The following SLC23A1 variants were observed in gnomAD, a reference collection of about 807,000 sequenced individuals.
The protein encoded by SLC23A1 is Na(+)/L-ascorbic acid transporter 1.
In SLC23A1, 31 loss-of-function variants were observed where a neutral mutation model predicts 62.5. That is an observed-to-expected ratio of 0.50 (90% CI 0.37 to 0.67). SLC23A1 has a LOEUF of 0.67. Among genes scored for constraint, SLC23A1 ranks in the 30% least tolerant of loss-of-function variants. SLC23A1 has a pLI of 0.00. For missense variants in SLC23A1, 640 were observed against 782.7 expected (o/e 0.82, Z 2.18); for synonymous variants, 271 against 313.2 (o/e 0.87, Z 1.42).
At chr5:139,383,961 C>T (rs1758409608), upstream of SLC23A1, among the ~76,000 whole-genome samples, 1 of 152,374 alleles carries the variant, frequency 6.6e-6, no homozygotes, top group African/African-American at 2.4e-5. Context: ...TAGGCTGGCC[C>T]AGCCGGGTCT....
intron 3 of SLC23A1, among the ~76,000 whole-genome samples, chr5:139,381,548 G>C (rs1456326500): frequency 6.6e-6 from 1 of 150,622 alleles, no homozygotes; most frequent in African/African-American, 2.5e-5. Context: ...GGGAGGTGGT[G>C]GTTGTGGTGA....
At chr5:139,381,203 G>A (rs1021443085) in intron 3 of SLC23A1, among the ~76,000 whole-genome samples, 3 of 152,218 alleles carry the variant, frequency 2.0e-5, no homozygotes, top group African/African-American at 7.2e-5. Flanking sequence ...ATCTTCCCCT[G>A]TCCCCCGCTG....
In SLC23A1 at chr5:139,380,575, C is replaced by T. The variant is rs201746992; in HGVS notation, c.455G>A (p.Arg152Gln). 3.1e-6 allele frequency: 5 copies of T among 1,613,920 alleles called. No individual in the cohort carries two copies. Among genetic ancestry groups the T allele is most frequent in the East Asian group, 2.2e-5 (1 of 44,880 alleles). ...PLNTSHIWHPRIREVQGAIMV... is the reference protein window; with the variant it reads ...PLNTSHIWHPQIREVQGAIMV... ...TACATGCAAACCCACCTCCCGTATC[C>T]GTGGGTGCCAAATATGAGAGGTGTT... is the stretch of plus-strand genomic sequence containing the variant. Residue 152 changes from arginine to glutamine, a missense_variant, in exon 5 of 15, where the codon CGG becomes CAG. By Grantham distance (43) the Arg-to-Gln change is conservative. Coordinates refer to ENST00000348729, the MANE Select transcript of SLC23A1 (RefSeq NM_005847.5).
Position 139,378,296 on chromosome 5 carries a change from G to A in SLC23A1, c.1235C>T (p.Thr412Ile). The change falls in exon 11 of 15, where the codon ACC becomes ATC. Residue 412 changes from threonine to isoleucine, a missense_variant. Coordinates refer to ENST00000348729, the MANE Select transcript of SLC23A1 (RefSeq NM_005847.5). This position sits in a 1 kb window ranked among gnomAD's most constrained non-coding sequence, Gnocchi z 4.5. ...YGAAIMLVLG[T>I]IGKFTALFAS... ...GAAGAGGGCCGTGAACTTGCCGATG[G>A]TGCCCAGGACCAGCATGATAGCCGC... The A allele has an allele frequency of 1.3e-6, 2 of 1,596,152 alleles. No individual in the cohort carries two copies. The highest frequency in any genetic ancestry group is 1.7e-6 in the Non-Finnish European group (2 of 1,172,000).
rs747473577 is a variant in SLC23A1, at chr5:139,380,404, A to G, written c.466-15T>C. 7 of 1,613,290 alleles carry G rather than the reference A, an allele frequency of 4.3e-6. No individual in the cohort carries two copies. In the Admixed American group the frequency reaches 1.0e-4, roughly 23 times the overall value. ...GCACCCTGGACCTGGAAGGGCAAAC[A>G]TCAGCCGTAAGTCACCATGTAAAGG... On this transcript the variant is annotated splice_polypyrimidine_tract_variant and intron_variant, in intron 5 of 14. Coordinates refer to ENST00000348729, the MANE Select transcript of SLC23A1 (RefSeq NM_005847.5).
intron 2 of SLC23A1, 164 bp downstream of exon 2, chr5:139,382,325 ATCT>A: frequency 1.7e-6 from 1 of 602,722 alleles, no homozygotes; most frequent in Non-Finnish European, 3.0e-6. Context: ...CAGGGAGTTC[ATCT>A]TCTTTCAGGA....
chr5:139,383,283 A>G lies in SLC23A1; in HGVS notation c.-30T>C. ...GGGGCACAGGTTTGAGCAGTTCCTG[A>G]GGAGAAGAGGGGATGACTTGACAAA... is the stretch of plus-strand genomic sequence containing the variant. On this transcript the variant is annotated 5_prime_UTR_variant, in exon 1 of 15. Coordinates refer to ENST00000348729, the MANE Select transcript of SLC23A1 (RefSeq NM_005847.5). The G allele has an allele frequency of 1.9e-6, 3 of 1,600,988 alleles. No homozygotes were observed. Among genetic ancestry groups the G allele is most frequent in the Non-Finnish European group, 2.6e-6 (3 of 1,173,350 alleles).
chr5:139,368,903 T>G lies in SLC23A1; in HGVS notation c.*20-1272A>C, dbSNP rs995671401. 2.8e-5 allele frequency: 23 copies of G among 813,348 alleles called. No individual in the cohort carries two copies. In the South Asian group the frequency reaches 3.6e-4, roughly 13 times the overall value. The allele number at this position is 813,348 out of a possible 1,614,324, so 50.4% of individuals were successfully genotyped here. On this transcript the variant is annotated intron_variant, in intron 14 of 14. Transcript: ENST00000348729. Reference sequence around the variant, plus strand: ...CTCTCTTGTCACTGTGTTACACTTATGCATTGCCAAAGTTTTTGTTAGTCT... The same window carrying G: ...CTCTCTTGTCACTGTGTTACACTTAGGCATTGCCAAAGTTTTTGTTAGTCT...
intron 13 of SLC23A1, among the ~76,000 whole-genome samples, chr5:139,376,897 G>GT (rs1332715774): frequency 6.6e-6 from 1 of 152,156 alleles, no homozygotes; most frequent in East Asian, 1.9e-4. Context: ...TGAGGCGAGC[G>GT]TATCACTTGA....
intron 14 of SLC23A1, among the ~76,000 whole-genome samples, chr5:139,368,036 T>TA (rs1165486738): frequency 6.6e-6 from 1 of 151,908 alleles, no homozygotes; most frequent in Non-Finnish European, 1.5e-5. Flanking sequence ...CCTTCTCTAC[T>TA]AAAAATACGA....
chr5:139,380,315 G>A lies in SLC23A1; in HGVS notation c.540C>T (p.Leu180=). ...IGLLGLPGAL[L]NYIGPLTVTP... ...TGACTGTGAGAGGCCCAATGTAGTT[G>A]AGCAGGGCCCCAGGCAGCCCCAGCA... The change falls in exon 6 of 15, where the codon CTC becomes CTT. Residue 180 remains leucine, a synonymous_variant. Coordinates refer to ENST00000348729, the MANE Select transcript of SLC23A1 (RefSeq NM_005847.5). 7 of 1,608,116 alleles carry A rather than the reference G, an allele frequency of 4.4e-6. No individual in the cohort carries two copies. Among genetic ancestry groups the A allele is most frequent in the East Asian group, 2.2e-5 (1 of 44,632 alleles).
At position 139,379,232 on chromosome 5, in the gene SLC23A1, G is replaced by A. The variant is rs771587041; in HGVS notation, c.1048C>T (p.Pro350Ser). 2 of 1,614,212 alleles carry A rather than the reference G, an allele frequency of 1.2e-6. No homozygotes were observed. The highest frequency in any genetic ancestry group is 1.6e-4 in the Middle Eastern group (1 of 6,062). Residue 350 changes from proline (P) to serine (S), a missense_variant, in exon 9 of 15, where the codon CCC (proline) becomes TCC (serine). Transcript: ENST00000348729. The surrounding 1 kb of genome is among the most constrained non-coding windows in gnomAD (Gnocchi z 4.7). ...YACARLAGAP[P>S]PPVHAINRGI... ...CTGTTGATAGCATGTACTGGAGGGG[G>A]TGGTGCACCAGCCAGGCGGGCACAG...
rs1293179618 is a variant in SLC23A1 at position 139,380,188 on chromosome 5, C to A, written c.647+20G>T. 1 of 1,556,002 alleles carries A rather than the reference C, an allele frequency of 6.4e-7. No homozygotes were observed. The highest frequency in any genetic ancestry group is 2.0e-5 in the Admixed American group (1 of 51,246). On this transcript the variant is annotated intron_variant, in intron 6 of 14. Coordinates refer to ENST00000348729, the MANE Select transcript of SLC23A1 (RefSeq NM_005847.5). ...TAGGGTGCTGGGGCTGGGCAGGGAT[C>A]AGGCCTGGTGCCTGCTCACCAAGCT...
chr5:139,377,750 A>T (rs1247121368), intron 12 of SLC23A1, among the ~76,000 whole-genome samples: 2 of 152,262 alleles, frequency 1.3e-5, no homozygotes, highest in East Asian at 3.8e-4. Context: ...AATGTAGATA[A>T]ATGGAGCTGT....
At chr5:139,384,380 C>T, upstream of SLC23A1, 1 of 1,288,880 alleles carries the variant, frequency 7.8e-7, no homozygotes, top group Non-Finnish European at 1.0e-6. Context: ...GTGCCCATGG[C>T]CAGGCCCTGC....
intron 3 of SLC23A1, among the ~76,000 whole-genome samples, chr5:139,381,508 C>T (rs1581378285): frequency 6.6e-6 from 1 of 150,680 alleles, no homozygotes; most frequent in Non-Finnish European, 1.5e-5. Context: ...GTGGGAGAAT[C>T]GCTTGAACGC....
chr5:139,380,694 T>C, intron 4 of SLC23A1, 62 bp from the exon 5 acceptor site: 1 of 1,500,516 alleles, frequency 6.7e-7, no homozygotes, highest in South Asian at 1.1e-5. Context: ...GGAGAGAAGA[T>C]GCTGCCATGG....
chr5:139,380,746 A>G, intron 4 of SLC23A1, 52 bp downstream of exon 4: 1 of 1,465,548 alleles, frequency 6.8e-7, no homozygotes, highest in Middle Eastern at 1.7e-4. Flanking sequence ...TCAGACCTCC[A>G]GGTCTCTGGG....
intron 13 of SLC23A1, among the ~76,000 whole-genome samples, chr5:139,374,888 G>A (rs1757871382): frequency 1.3e-5 from 2 of 152,092 alleles, no homozygotes; most frequent in Non-Finnish European, 1.5e-5. Context: ...ACTGTCTCAG[G>A]CCCATAGGAT....
Sources: allele counts gnomAD v4.1 joint callset (sites outside exome capture counted in the v4.1 genomes callset), GRCh38; gene constraint gnomAD v4.1.1; non-coding constraint Gnocchi (gnomAD v3.1); transcripts MANE v1.5; gene names NCBI Gene and HGNC (gene_info 2026-07-23, HGNC 2026-07-21).